BNC2: variants seen among roughly 807,000 people sequenced by gnomAD.
BNC2 encodes zinc finger protein basonuclin-2.
A neutral mutation model predicts 76.3 loss-of-function variants in BNC2; 20 were observed. That is an observed-to-expected ratio of 0.26 (90% confidence interval 0.18 to 0.38). BNC2 has a LOEUF of 0.38. Among genes scored for constraint, BNC2 ranks in the 10% least tolerant of loss-of-function variants. The pLI is 1.00. For synonymous variants in BNC2, 582 were observed against 514.8 expected, an observed-to-expected ratio of 1.13 and a Z score of -1.77; for missense variants, 1,382 against 1,399.8, an observed-to-expected ratio of 0.99 and a Z score of 0.20.
rs1323779592 is a variant in BNC2, at chr9:16,790,486, G to C, written c.4-52001C>G. On this transcript the variant is annotated intron_variant, in intron 1 of 6. Coordinates refer to ENST00000380672, the MANE Select transcript of BNC2 (RefSeq NM_017637.6). ...TTATTTATAAAAAACTGTGTCAATA[G>C]TAGTTTCAATGGGAATGCCTTATTC... 2.0e-5 allele frequency among the ~76,000 whole-genome samples: 3 copies of C among 152,194 alleles called. No individual in the cohort carries two copies. In the East Asian group the frequency reaches 5.8e-4, roughly 29 times the overall value.
chr9:16,428,238 T>C (rs1820837618), intron 6 of BNC2, among the ~76,000 whole-genome samples: 1 of 152,136 alleles, frequency 6.6e-6, no homozygotes, highest in Non-Finnish European at 1.5e-5. Flanking sequence ...TAAAACACAA[T>C]TACGAGTGAG....
chr9:16,817,151 G>T (rs1818205068), intron 1 of BNC2, among the ~76,000 whole-genome samples: 1 of 152,204 alleles, frequency 6.6e-6, no homozygotes, highest in Admixed American at 6.5e-5. Context: ...GTAGCTGGAA[G>T]GGATCTCAGG....
chr9:16,564,369 A>C (rs1276435471), intron 4 of BNC2, among the ~76,000 whole-genome samples: 2 of 152,228 alleles, frequency 1.3e-5, no homozygotes, highest in Non-Finnish European at 2.9e-5. Context: ...GACCAAGCTA[A>C]GAAGTAGGAG....
At chr9:16,511,420 CT>C (rs758039548) in intron 5 of BNC2, among the ~76,000 whole-genome samples, 795 of 69,514 alleles carry the variant, frequency 0.011, 2 homozygotes, top group Admixed American at 0.022. Flanking sequence ...AATAAATTTA[CT>C]TTTTTTTTTT....
intron 5 of BNC2, among the ~76,000 whole-genome samples, chr9:16,503,742 C>T (rs771816127): frequency 6.6e-6 from 1 of 152,024 alleles, no homozygotes; most frequent in Non-Finnish European, 1.5e-5. Flanking sequence ...TCTTTGTCAC[C>T]AGAATGTTAT....
chr9:16,623,476 C>G (rs1820917057), intron 3 of BNC2, among the ~76,000 whole-genome samples: 1 of 152,108 alleles, frequency 6.6e-6, no homozygotes, highest in South Asian at 2.1e-4. Flanking sequence ...AGGAGTAGAA[C>G]AGTATTGTCA....
intron 1 of BNC2, among the ~76,000 whole-genome samples, chr9:16,804,026 T>TG (rs1291236365): frequency 6.6e-6 from 1 of 152,210 alleles, no homozygotes; most frequent in Non-Finnish European, 1.5e-5. Context: ...AATTAAAGCC[T>TG]GAAAAACAAG....
chr9:16,715,933 C>A (rs1244809367), intron 3 of BNC2, among the ~76,000 whole-genome samples: 1 of 152,150 alleles, frequency 6.6e-6, no homozygotes, highest in African/African-American at 2.4e-5. Flanking sequence ...CAATGGGAAG[C>A]AAGTTTCATT....
intron 1 of BNC2, among the ~76,000 whole-genome samples, chr9:16,764,158 G>T (rs1278735483): frequency 6.6e-6 from 1 of 152,172 alleles, no homozygotes; most frequent in African/African-American, 2.4e-5. Flanking sequence ...CACCCTTGGG[G>T]TGTGTAGCTC....
At chr9:16,621,950 T>C (rs1820878738) in intron 3 of BNC2, among the ~76,000 whole-genome samples, 2 of 152,206 alleles carry the variant, frequency 1.3e-5, no homozygotes, top group Non-Finnish European at 2.9e-5. Context: ...TTTTTACTTT[T>C]GTAGTGTGGC....
At chr9:16,782,190 C>T (rs1826172556) in intron 1 of BNC2, among the ~76,000 whole-genome samples, 1 of 151,864 alleles carries the variant, frequency 6.6e-6, no homozygotes, top group Admixed American at 6.6e-5. Context: ...GAGGCTGAGG[C>T]AGAAGAATTG....
chr9:16,640,232 G>C (rs1821453133), intron 3 of BNC2, among the ~76,000 whole-genome samples: 1 of 152,120 alleles, frequency 6.6e-6, no homozygotes. Flanking sequence ...AATAAAATAA[G>C]TGCATTGGTG....
intron 5 of BNC2, among the ~76,000 whole-genome samples, chr9:16,448,710 G>A (rs996559902): frequency 6.6e-6 from 1 of 152,130 alleles, no homozygotes; most frequent in Admixed American, 6.6e-5. Context: ...GATGTATTAG[G>A]AGATTTAACT....
chr9:16,500,497 G>A (rs1165522806), intron 5 of BNC2, among the ~76,000 whole-genome samples: 1 of 151,960 alleles, frequency 6.6e-6, no homozygotes, highest in Non-Finnish European at 1.5e-5. Context: ...AATCTAGAAT[G>A]AACAAAACAT....
chr9:16,519,703 C>A (rs1480201891), intron 5 of BNC2, among the ~76,000 whole-genome samples: 2 of 152,186 alleles, frequency 1.3e-5, no homozygotes, highest in East Asian at 3.9e-4. Context: ...CCATTTTCTC[C>A]AGTTTTTTCT....
At chr9:16,580,082 G>C (rs1009534289) in intron 4 of BNC2, 1 of 398,472 alleles carries the variant, frequency 2.5e-6, no homozygotes, top group South Asian at 1.3e-4. Flanking sequence ...CACAGTATAA[G>C]GCAGCCGGAA....
At chr9:16,568,564 T>C (rs117154828) in intron 4 of BNC2, among the ~76,000 whole-genome samples, 2,570 of 152,218 alleles carry the variant, frequency 0.017, 46 homozygotes, top group Non-Finnish European at 0.031. Flanking sequence ...GTATTTAGAA[T>C]TTCATCATAA....
chr9:16,436,732 G>A lies in BNC2; in HGVS notation c.1462C>T (p.Arg488Cys). Reference sequence around the variant, plus strand: ...CGAGGATTGGGGTTTGCACTGTGGCGATTACGACTTCGGAGGGAGCTAAAG... The same window carrying A: ...CGAGGATTGGGGTTTGCACTGTGGCAATTACGACTTCGGAGGGAGCTAAAG... ...MVFSSLRSRN[R>C]HSANPNPRLH... The change falls in exon 6 of 7, where the codon CGC becomes TGC. Residue 488 changes from arginine to cysteine, a missense_variant. Physicochemically the swap from Arg to Cys is radical, Grantham distance 180. Transcript: ENST00000380672. 6.2e-7 allele frequency: 1 copy of A among 1,614,156 alleles called. No homozygotes were observed. Among genetic ancestry groups the A allele is most frequent in the African/African-American group, 1.3e-5 (1 of 75,040 alleles).
intron 1 of BNC2, among the ~76,000 whole-genome samples, chr9:16,788,040 C>T (rs1464301951): frequency 6.6e-6 from 1 of 152,100 alleles, no homozygotes; most frequent in Admixed American, 6.5e-5. Context: ...ATGTAGTACC[C>T]TCAAACATAC....
Sources: gnomAD v4.1 joint callset for allele counts (sites outside exome capture counted in the v4.1 genomes callset) on GRCh38, gnomAD v4.1.1 for gene constraint, MANE v1.5 for transcripts, NCBI Gene and HGNC (gene_info 2026-07-23, HGNC 2026-07-21) for gene names.